The following NLGN1 variants were observed in gnomAD, a reference collection of about 807,000 sequenced individuals.
The protein encoded by NLGN1 is neuroligin 1, also known as neuroligin-1.
A neutral mutation model predicts 65.5 loss-of-function variants in NLGN1; 12 were observed. The observed-to-expected ratio is 0.18, with a 90% confidence interval of 0.12 to 0.30. NLGN1 has a LOEUF of 0.30. NLGN1 is among the 10% of genes least tolerant of loss of function. The pLI is 1.00. For synonymous variants in NLGN1, 350 were observed against 359.5 expected (o/e 0.97, Z 0.30); for missense variants, 750 against 1,007.1 (o/e 0.74, Z 3.46).
chr3:173,968,331 A>G (rs1560743639), intron 4 of NLGN1, among the ~76,000 whole-genome samples: 1 of 152,176 alleles, frequency 6.6e-6, no homozygotes, highest in Non-Finnish European at 1.5e-5. Flanking sequence ...CATACAAGCT[A>G]TTTGATTACT....
At chr3:173,752,438 G>C (rs942769078) in intron 3 of NLGN1, among the ~76,000 whole-genome samples, 2 of 151,998 alleles carry the variant, frequency 1.3e-5, no homozygotes, top group Non-Finnish European at 2.9e-5. Context: ...ACCACCAGCT[G>C]CTTTTTTCCC....
intron 4 of NLGN1, among the ~76,000 whole-genome samples, chr3:174,125,278 A>C (rs945150898): frequency 6.6e-6 from 1 of 152,140 alleles, no homozygotes; most frequent in African/African-American, 2.4e-5. Flanking sequence ...ATTTTAGCCT[A>C]TAGGCCATAT....
At chr3:173,805,407 C>T (rs1277261407) in intron 3 of NLGN1, among the ~76,000 whole-genome samples, 7 of 152,126 alleles carry the variant, frequency 4.6e-5, no homozygotes, top group African/African-American at 1.7e-4. Flanking sequence ...TTAACCCAGA[C>T]TATCAGTAAT....
chr3:173,502,871 A>G (rs1280303027), intron 2 of NLGN1, among the ~76,000 whole-genome samples: 2 of 152,120 alleles, frequency 1.3e-5, no homozygotes, highest in Admixed American at 1.3e-4. Flanking sequence ...TGCAGAAGGT[A>G]AAATGCACTT....
intron 4 of NLGN1, among the ~76,000 whole-genome samples, chr3:174,128,980 A>G (rs982605728): frequency 6.6e-6 from 1 of 152,160 alleles, no homozygotes; most frequent in Non-Finnish European, 1.5e-5. Context: ...TGTGGAGAGC[A>G]GAACGTTGCA....
At chr3:173,807,448 T>C (rs1716909274) in intron 3 of NLGN1, among the ~76,000 whole-genome samples, 2 of 152,174 alleles carry the variant, frequency 1.3e-5, no homozygotes, top group African/African-American at 4.8e-5. Flanking sequence ...CTAAGTTTTA[T>C]AAGTCAGTTT....
At chr3:174,210,513 C>T (rs944017819) in intron 4 of NLGN1, among the ~76,000 whole-genome samples, 4 of 152,174 alleles carry the variant, frequency 2.6e-5, no homozygotes, top group Non-Finnish European at 4.4e-5. Context: ...CTATTGTCCA[C>T]GATGACTAGA....
intron 4 of NLGN1, among the ~76,000 whole-genome samples, chr3:174,004,553 C>T (rs1056675676): frequency 1.3e-4 from 20 of 152,116 alleles, no homozygotes; most frequent in Admixed American, 7.2e-4. Flanking sequence ...TTCTTGGACT[C>T]TCATTTACTA....
At chr3:173,632,124 A>G (rs1755783580) in intron 3 of NLGN1, among the ~76,000 whole-genome samples, 1 of 152,158 alleles carries the variant, frequency 6.6e-6, no homozygotes, top group African/African-American at 2.4e-5. Context: ...TGCAGTGTCT[A>G]TCTTGAGCAT....
chr3:173,673,268 A>G (rs986547786), intron 3 of NLGN1, among the ~76,000 whole-genome samples: 3 of 152,194 alleles, frequency 2.0e-5, no homozygotes, highest in Non-Finnish European at 2.9e-5. Context: ...TCCTTTAGCA[A>G]TAAGTAGCTA....
chr3:173,737,721 T>C (rs1773999954), intron 3 of NLGN1, among the ~76,000 whole-genome samples: 1 of 152,102 alleles, frequency 6.6e-6, no homozygotes, highest in Non-Finnish European at 1.5e-5. Context: ...CGAACATTCA[T>C]GTACAAGAAT....
chr3:173,777,396 T>C lies in NLGN1; in HGVS notation c.494-30284T>C, dbSNP rs117915389. On this transcript the variant is annotated intron_variant, in intron 3 of 6. Coordinates refer to ENST00000457714, the Ensembl canonical transcript of NLGN1. ...TGTTTTATCTTGTTTTTAATTGATA[T>C]ATAGTAACTGTATACCTCTACAGGG... Among the ~76,000 whole-genome samples the C allele has an allele frequency of 7.5e-4, 114 of 151,990 alleles. No individual in the cohort carries two copies. In the East Asian group the frequency reaches 0.02, roughly 27 times the overall value.
chr3:173,917,351 C>T (rs754846475), intron 4 of NLGN1, among the ~76,000 whole-genome samples: 4 of 152,016 alleles, frequency 2.6e-5, no homozygotes, highest in Non-Finnish European at 5.9e-5. Flanking sequence ...TTAGACAAAC[C>T]TTGTAAGTCT....
At chr3:174,106,432 T>A (rs2152598831) in intron 4 of NLGN1, among the ~76,000 whole-genome samples, 1 of 152,154 alleles carries the variant, frequency 6.6e-6, no homozygotes, top group South Asian at 2.1e-4. Context: ...TCAGGCTTCC[T>A]CAAAAAAATA....
At chr3:174,264,656 A>T (rs1747651750) in intron 4 of NLGN1, among the ~76,000 whole-genome samples, 1 of 150,444 alleles carries the variant, frequency 6.6e-6, no homozygotes. Context: ...GAGTAATTTG[A>T]TCGTCTGAAG....
chr3:173,597,215 G>C (rs1319883833), intron 2 of NLGN1, among the ~76,000 whole-genome samples: 1 of 152,208 alleles, frequency 6.6e-6, no homozygotes, highest in African/African-American at 2.4e-5. Flanking sequence ...TGCAGGATAT[G>C]TTCTTTGGAG....
At chr3:173,630,803 C>A (rs534501543) in intron 3 of NLGN1, among the ~76,000 whole-genome samples, 56 of 152,166 alleles carry the variant, frequency 3.7e-4, no homozygotes, top group African/African-American at 1.3e-3. Context: ...CTTTTACATG[C>A]CATAAACTTC....
intron 4 of NLGN1, among the ~76,000 whole-genome samples, chr3:173,986,942 C>T (rs1286582257): frequency 6.6e-6 from 1 of 150,792 alleles, no homozygotes; most frequent in African/African-American, 2.4e-5. Context: ...GTGAATCTTC[C>T]TTTACTGTTC....
At chr3:174,160,071 C>T (rs1326396971) in intron 4 of NLGN1, among the ~76,000 whole-genome samples, 1 of 151,514 alleles carries the variant, frequency 6.6e-6, no homozygotes, top group African/African-American at 2.4e-5. Context: ...TTATTCATCT[C>T]TAGAACGCCA....
Sources: gnomAD v4.1 joint callset for allele counts (sites outside exome capture counted in the v4.1 genomes callset) on GRCh38, gnomAD v4.1.1 for gene constraint, MANE v1.5 for transcripts, NCBI Gene and HGNC (gene_info 2026-07-23, HGNC 2026-07-21) for gene names.